Variants in TUSC3 observed in about 807,000 individuals in gnomAD.
The protein encoded by TUSC3 is dolichyl-diphosphooligosaccharide--protein glycosyltransferase subunit TUSC3.
In TUSC3, 45 loss-of-function variants were observed where a neutral mutation model predicts 44.8. That is an observed-to-expected ratio of 1.00 (90% confidence interval 0.79 to 1.29). The LOEUF (loss-of-function observed/expected upper bound fraction) is 1.29, where lower values mean the gene tolerates loss of function less well. Ranked by LOEUF, TUSC3 falls within the 50% of genes most tolerant of loss-of-function variation. TUSC3 has a pLI of 0.00. For missense variants in TUSC3, 519 were observed against 437.9 expected (o/e 1.19, Z -1.65); for synonymous variants, 212 against 152.9 (o/e 1.39, Z -2.85).
chr8:15,529,685 C>A (rs1267224132), intron 2 of TUSC3, among the ~76,000 whole-genome samples: 2 of 151,580 alleles, frequency 1.3e-5, no homozygotes, highest in Non-Finnish European at 2.9e-5. Context: ...ATATTTCCAG[C>A]CATTGGTTTT....
chr8:15,731,714 A>T (rs1413253177), intron 7 of TUSC3, among the ~76,000 whole-genome samples: 2 of 152,170 alleles, frequency 1.3e-5, no homozygotes, highest in Non-Finnish European at 2.9e-5. Flanking sequence ...AATGAATGTT[A>T]GTCATGCCTA....
At chr8:15,702,432 C>CT (rs1344941863) in intron 6 of TUSC3, among the ~76,000 whole-genome samples, 4 of 152,128 alleles carry the variant, frequency 2.6e-5, no homozygotes, top group Non-Finnish European at 5.9e-5. Flanking sequence ...CTTTGAAATG[C>CT]TTAATAGTGC....
intron 1 of TUSC3, among the ~76,000 whole-genome samples, chr8:15,576,116 G>T (rs1435883747): frequency 6.6e-6 from 1 of 151,484 alleles, no homozygotes; most frequent in African/African-American, 2.4e-5. Context: ...ATGATCTCTT[G>T]TTAAAGCAAT....
At chr8:15,423,693 G>A (rs142259450) in intron 1 of TUSC3, among the ~76,000 whole-genome samples, 2 of 152,068 alleles carry the variant, frequency 1.3e-5, no homozygotes, top group African/African-American at 4.8e-5. Flanking sequence ...CTCCTAAAGC[G>A]GGGAGAGTGG....
chr8:15,675,347 A>G lies in TUSC3; in HGVS notation c.798+1511A>G, dbSNP rs1046677591. 5.8e-4 allele frequency among the ~76,000 whole-genome samples: 88 copies of G among 151,830 alleles called. 1 individual carries two copies. The highest frequency in any genetic ancestry group is 1.9e-3 in the African/African-American group (80 of 41,214). On this transcript the variant is annotated intron_variant, in intron 6 of 10. Transcript: ENST00000503731. ...AAGGCATTGCTTTTCATTATTGTTT[A>G]TGGTTTGTTAAAGTATACGAAAAGT...
At chr8:15,496,431 CA>C (rs1207295135) in intron 2 of TUSC3, among the ~76,000 whole-genome samples, 2 of 152,182 alleles carry the variant, frequency 1.3e-5, no homozygotes, top group African/African-American at 4.8e-5. Context: ...ATAGTGATCT[CA>C]AATTAGTCAT....
intron 1 of TUSC3, among the ~76,000 whole-genome samples, chr8:15,611,691 C>T (rs1160763981): frequency 6.6e-6 from 1 of 152,022 alleles, no homozygotes; most frequent in African/African-American, 2.4e-5. Flanking sequence ...TCATTGTGGT[C>T]TTCTGAGTGC....
chr8:15,809,592 G>A, the TUSC3 span, among the ~76,000 whole-genome samples: 27 of 152,102 alleles, frequency 1.8e-4, no homozygotes, highest in Admixed American at 5.9e-4. Context: ...TATCAATTAG[G>A]CACAGTAAGA....
intron 10 of TUSC3, among the ~76,000 whole-genome samples, chr8:15,760,256 A>G (rs961031556): frequency 6.6e-6 from 1 of 152,162 alleles, no homozygotes; most frequent in African/African-American, 2.4e-5. Context: ...CACCCAGGTC[A>G]TCAAATGTCA....
chr8:15,755,205 C>T (rs1263764053), intron 9 of TUSC3, among the ~76,000 whole-genome samples: 1 of 152,044 alleles, frequency 6.6e-6, no homozygotes, highest in Non-Finnish European at 1.5e-5. Flanking sequence ...GGGCAAGTTA[C>T]TTAACTTTTG....
At chr8:15,707,345 C>T (rs1408208891) in intron 6 of TUSC3, among the ~76,000 whole-genome samples, 10 of 151,994 alleles carry the variant, frequency 6.6e-5, no homozygotes, top group Admixed American at 1.3e-4. Context: ...ATAAGAGTCA[C>T]ATCATATAGT....
chr8:15,585,760 A>G lies in TUSC3; in HGVS notation c.139-37320A>G, dbSNP rs1397838386. Among the ~76,000 whole-genome samples, 4 of 152,172 alleles carry G rather than the reference A, an allele frequency of 2.6e-5. No homozygotes were observed. In the South Asian group the frequency reaches 8.3e-4, roughly 32 times the overall value. ...ACCTGTTCGACTGTCGGAATGTCTT[A>G]GTCAAGCCCCTCAGTGTCTGTGCCT... On this transcript the variant is annotated intron_variant, in intron 1 of 10. Transcript: ENST00000503731.
chr8:15,604,874 T>C (rs1258188576), intron 1 of TUSC3, among the ~76,000 whole-genome samples: 1 of 151,888 alleles, frequency 6.6e-6, no homozygotes, highest in East Asian at 1.9e-4. Flanking sequence ...AAAATGGTTT[T>C]ATTTGTTGGG....
chr8:15,743,656 A>C lies in TUSC3; in HGVS notation c.937+44A>C, dbSNP rs114343068. On this transcript the variant is annotated intron_variant, in intron 8 of 10. Transcript: ENST00000503731. ...ATTTTTGTAATTTCGTTTTAGTCTT[A>C]AGATTCATTTAAGTCAAATGGGAAA... is the stretch of plus-strand genomic sequence containing the variant. The C allele has an allele frequency of 9.4e-4, 1,496 of 1,597,116 alleles. 12 individuals are homozygous for C. The African/African-American group carries it at 0.017, about 18-fold the overall frequency.
intron 1 of TUSC3, among the ~76,000 whole-genome samples, chr8:15,423,983 T>G (rs201912326): frequency 0.037 from 2,214 of 59,462 alleles, 160 homozygotes; most frequent in African/African-American, 0.1. Flanking sequence ...TTTTTTTTTT[T>G]TTTTTTTTTT....
the TUSC3 span, among the ~76,000 whole-genome samples, chr8:15,846,368 G>T: frequency 6.6e-6 from 1 of 152,076 alleles, no homozygotes; most frequent in Non-Finnish European, 1.5e-5. Context: ...TACTGCTACT[G>T]AATATATACC....
At chr8:15,774,843 G>A in the TUSC3 span, among the ~76,000 whole-genome samples, 1 of 152,040 alleles carries the variant, frequency 6.6e-6, no homozygotes, top group Non-Finnish European at 1.5e-5. Flanking sequence ...TGTTGGTGCA[G>A]ATGTGAAGAA....
chr8:15,648,007 C>A (rs956704981), intron 2 of TUSC3, among the ~76,000 whole-genome samples: 1 of 152,108 alleles, frequency 6.6e-6, no homozygotes, highest in Non-Finnish European at 1.5e-5. Context: ...TTATTCAGAA[C>A]TGGGAAATGA....
At chr8:15,645,749 T>G (rs1806596976) in intron 2 of TUSC3, among the ~76,000 whole-genome samples, 1 of 152,106 alleles carries the variant, frequency 6.6e-6, no homozygotes, top group South Asian at 2.1e-4. Context: ...TCATGAACAC[T>G]ATTCCTTTGA....
Sources: allele counts gnomAD v4.1 joint callset (sites outside exome capture counted in the v4.1 genomes callset), GRCh38; gene constraint gnomAD v4.1.1; transcripts MANE v1.5; gene names NCBI Gene and HGNC (gene_info 2026-07-23, HGNC 2026-07-21).